Variants in TLN2 observed in about 807,000 individuals in gnomAD.
TLN2 encodes talin 2, also known as talin-2.
Under a neutral mutation model 294.7 loss-of-function variants are expected in TLN2, and 118 were observed. The ratio of observed to expected loss-of-function variants is 0.40; its 90% CI spans 0.34 to 0.47. The LOEUF is 0.47. Ranked by LOEUF, TLN2 falls within the 20% of genes least tolerant of loss-of-function variation. The pLI, the probability that TLN2 is intolerant of heterozygous loss-of-function variation, is 0.84. For missense variants in TLN2, 3,083 were observed against 3,282.2 expected (o/e 0.94, Z 1.48); for synonymous variants, 1,431 against 1,304.5 (o/e 1.10, Z -2.09).
At chr15:62,391,943 T>C (rs1431012384) in intron 1 of TLN2, among the ~76,000 whole-genome samples, 1 of 152,176 alleles carries the variant, frequency 6.6e-6, no homozygotes, top group African/African-American at 2.4e-5. Flanking sequence ...GTTCTCCCGG[T>C]GCCCGGGCTC....
chr15:62,675,171 C>T (rs1452335970), intron 10 of TLN2, 46 bp from the exon 11 acceptor site: 92 of 1,577,712 alleles, frequency 5.8e-5, no homozygotes, highest in Non-Finnish European at 7.8e-5. Flanking sequence ...AGTCCACCTG[C>T]TGGCAGAGAT....
chr15:62,671,824 C>G (rs1163279415), intron 9 of TLN2, among the ~76,000 whole-genome samples: 1 of 152,062 alleles, frequency 6.6e-6, no homozygotes, highest in African/African-American at 2.4e-5. Context: ...CTAATTGTAT[C>G]CTGATGGTAT....
chr15:62,431,870 A>T (rs935049879), intron 1 of TLN2, among the ~76,000 whole-genome samples: 2 of 152,160 alleles, frequency 1.3e-5, no homozygotes, highest in Non-Finnish European at 2.9e-5. Flanking sequence ...TTTCATCTCT[A>T]TTGGAACAAA....
chr15:62,673,310 CT>C lies in TLN2; in HGVS notation c.789-499del, dbSNP rs56258541. ...GTTTGCTTTAGATTTTTAGATGTTG[CT>C]TTTTTTTTTTTTTTTTTGCAATTTC... On this transcript the variant is annotated intron_variant, in intron 9 of 58. Coordinates refer to ENST00000636159, the MANE Select transcript of TLN2 (RefSeq NM_015059.3). Among the ~76,000 whole-genome samples the C allele has an allele frequency of 2.7e-3, 117 of 42,898 alleles. 1 individual carries two copies. Among genetic ancestry groups the C allele is most frequent in the African/African-American group, 7.1e-3 (96 of 13,438 alleles). 28.1% of individuals were successfully genotyped at this position (42,898 alleles called of 152,430 possible).
At chr15:62,597,520 G>T (rs775786707) in intron 2 of TLN2, among the ~76,000 whole-genome samples, 19 of 152,100 alleles carry the variant, frequency 1.2e-4, no homozygotes, top group Non-Finnish European at 2.4e-4. Flanking sequence ...CCTCTCTCAG[G>T]AGCCCGCTTT....
intron 1 of TLN2, among the ~76,000 whole-genome samples, chr15:62,564,761 G>T (rs551252886): frequency 6.6e-6 from 1 of 151,768 alleles, no homozygotes; most frequent in East Asian, 1.9e-4. Flanking sequence ...ACAAAAATTA[G>T]CTGGGCATGG....
chr15:62,656,096 T>A lies in TLN2; in HGVS notation c.660+10T>A. 1 of 1,613,402 alleles carries A rather than the reference T, an allele frequency of 6.2e-7. No homozygotes were observed. The highest frequency in any genetic ancestry group is 8.5e-7 in the Non-Finnish European group (1 of 1,179,374). On this transcript the variant is annotated intron_variant, in intron 8 of 58. Transcript: ENST00000636159. ...CTTGCTTTATGTTCAGGTACAGTAT[T>A]TACTGCTCAGACACTGAGGTTGGTG...
intron 7 of TLN2, among the ~76,000 whole-genome samples, 194 bp from the exon 8 acceptor site, chr15:62,655,750 G>C (rs1311476517): frequency 1.3e-5 from 2 of 152,086 alleles, no homozygotes; most frequent in Non-Finnish European, 1.5e-5. Flanking sequence ...TTTCCATTTT[G>C]GCTGGTCCTT....
intron 9 of TLN2, among the ~76,000 whole-genome samples, chr15:62,663,421 T>G (rs917441385): frequency 6.6e-6 from 1 of 151,994 alleles, no homozygotes; most frequent in African/African-American, 2.4e-5. Flanking sequence ...AACATGATAC[T>G]AAATATCCTA....
intron 1 of TLN2, among the ~76,000 whole-genome samples, chr15:62,570,526 C>G (rs2043778463): frequency 2.6e-5 from 4 of 152,162 alleles, no homozygotes; most frequent in Admixed American, 2.6e-4. Context: ...GTCCGTCTTT[C>G]TCTTTCTTTC....
At chr15:62,551,513 T>TACACACACACACACACACACACACAC (rs56986714) in intron 1 of TLN2, among the ~76,000 whole-genome samples, 1 of 146,986 alleles carries the variant, frequency 6.8e-6, no homozygotes, top group African/African-American at 2.5e-5. Flanking sequence ...CTACTAAAAA[T>TACACACACACACACACACACACACAC]ACACACACAC....
intron 1 of TLN2, among the ~76,000 whole-genome samples, chr15:62,436,228 C>T (rs1000043865): frequency 5.3e-5 from 8 of 152,198 alleles, no homozygotes; most frequent in African/African-American, 1.9e-4. Context: ...CTCTGAGTTC[C>T]AGGCACTGTG....
At chr15:62,671,707 A>G (rs2055449641) in intron 9 of TLN2, among the ~76,000 whole-genome samples, 1 of 152,136 alleles carries the variant, frequency 6.6e-6, no homozygotes, top group African/African-American at 2.4e-5. Flanking sequence ...TATTTCTTGT[A>G]TCTCTTTTAA....
intron 2 of TLN2, among the ~76,000 whole-genome samples, chr15:62,614,659 T>C (rs1307976058): frequency 1.3e-5 from 2 of 152,216 alleles, no homozygotes; most frequent in East Asian, 3.8e-4. Context: ...GTAATTTTTA[T>C]TGAGAAAAGT....
rs956330512 is a variant in TLN2 at position 62,820,626 on chromosome 15, T to C, written c.7002+16T>C. 5 of 1,610,306 alleles carry C rather than the reference T, an allele frequency of 3.1e-6. No homozygotes were observed. The highest frequency in any genetic ancestry group is 4.2e-6 in the Non-Finnish European group (5 of 1,177,768). On this transcript the variant is annotated intron_variant, in intron 54 of 58. Coordinates refer to ENST00000636159, the MANE Select transcript of TLN2 (RefSeq NM_015059.3). ...AAAACCAAAAGTAAGTGTTCATTTATGGTTGGCTGTCCGATGTCAGTGGGT... is the reference window on the plus strand; with the variant it reads ...AAAACCAAAAGTAAGTGTTCATTTACGGTTGGCTGTCCGATGTCAGTGGGT...
At chr15:62,446,032 A>G (rs952000307) in intron 1 of TLN2, among the ~76,000 whole-genome samples, 1 of 151,146 alleles carries the variant, frequency 6.6e-6, no homozygotes, top group African/African-American at 2.4e-5. Context: ...TTTTTGAGAC[A>G]GAGTCTCACT....
intron 1 of TLN2, among the ~76,000 whole-genome samples, chr15:62,573,775 C>CTT (rs58692120): frequency 0.044 from 6,391 of 145,068 alleles, 351 homozygotes; most frequent in African/African-American, 0.13. Flanking sequence ...CTTCCTTTTT[C>CTT]TTTTTTTTTT....
chr15:62,541,571 T>A (rs966278638), intron 1 of TLN2, among the ~76,000 whole-genome samples: 1 of 152,114 alleles, frequency 6.6e-6, no homozygotes, highest in African/African-American at 2.4e-5. Context: ...TCAGCCCCAC[T>A]GGATTGAACC....
chr15:62,422,155 G>T lies in TLN2; in HGVS notation c.-238+31470G>T, dbSNP rs2034440815. On this transcript the variant is annotated intron_variant, in intron 1 of 58. Coordinates refer to ENST00000636159, the MANE Select transcript of TLN2 (RefSeq NM_015059.3). Reference sequence around the variant, plus strand: ...CATGTCTGTAATCTCTGCTACTTGGGAGGCTGAGGCAGGAGAATCAGCCAT... The same window carrying T: ...CATGTCTGTAATCTCTGCTACTTGGTAGGCTGAGGCAGGAGAATCAGCCAT... Among the ~76,000 whole-genome samples, 4 of 148,668 alleles carry T rather than the reference G, an allele frequency of 2.7e-5. No homozygotes were observed. The South Asian group carries it at 8.6e-4, about 32-fold the overall frequency.
Sources: gnomAD v4.1 joint callset for allele counts (sites outside exome capture counted in the v4.1 genomes callset) on GRCh38, gnomAD v4.1.1 for gene constraint, MANE v1.5 for transcripts, NCBI Gene and HGNC (gene_info 2026-07-23, HGNC 2026-07-21) for gene names.